MYO1E: variants seen among roughly 807,000 people sequenced by gnomAD.
The protein encoded by MYO1E is unconventional myosin-Ie.
Under a neutral mutation model 151.1 loss-of-function variants are expected in MYO1E, and 68 were observed. That is an observed-to-expected ratio of 0.45 (90% CI 0.37 to 0.55). MYO1E has a LOEUF of 0.55. Ranked by LOEUF, MYO1E falls within the 20% of genes least tolerant of loss-of-function variation. The probability of loss-of-function intolerance (pLI) is 0.00; values close to 1 mark genes in which losing one functional copy is unlikely to be tolerated. For synonymous variants in MYO1E, 601 were observed against 501.7 expected (o/e 1.20, Z -2.64); for missense variants, 1,363 against 1,389.3 (o/e 0.98, Z 0.30).
At chr15:59,191,270 A>C (rs1209886742) in intron 17 of MYO1E, among the ~76,000 whole-genome samples, 2 of 151,428 alleles carry the variant, frequency 1.3e-5, no homozygotes, top group African/African-American at 4.9e-5. Context: ...CCTGGCCAAC[A>C]CAGTGAAACC....
chr15:59,303,956 G>T (rs1284387987), intron 1 of MYO1E, among the ~76,000 whole-genome samples: 1 of 151,024 alleles, frequency 6.6e-6, no homozygotes, highest in Non-Finnish European at 1.5e-5. Flanking sequence ...TCAGGCAGGC[G>T]TCTCTATTTT....
intron 1 of MYO1E, among the ~76,000 whole-genome samples, chr15:59,371,189 A>G (rs2080942173): frequency 6.6e-6 from 1 of 152,196 alleles, no homozygotes; most frequent in Admixed American, 6.5e-5. Flanking sequence ...TTTGGAATAA[A>G]CAGCACGGGG....
At chr15:59,283,340 T>C (rs568229219) in intron 1 of MYO1E, among the ~76,000 whole-genome samples, 1 of 152,060 alleles carries the variant, frequency 6.6e-6, no homozygotes, top group East Asian at 1.9e-4. Context: ...ATTCCCACTG[T>C]CCCCCAGCTT....
intron 18 of MYO1E, among the ~76,000 whole-genome samples, chr15:59,184,294 A>G (rs1181040292): frequency 6.6e-6 from 1 of 152,152 alleles, no homozygotes; most frequent in African/African-American, 2.4e-5. Context: ...GGTGGGAGCC[A>G]CTGCGCCTGG....
chr15:59,319,304 C>T (rs565460502), intron 1 of MYO1E, among the ~76,000 whole-genome samples: 1 of 152,076 alleles, frequency 6.6e-6, no homozygotes, highest in South Asian at 2.1e-4. Context: ...GAGCAAGTCT[C>T]CATCTGAAAA....
At chr15:59,181,707 T>C (rs2079658988) in intron 18 of MYO1E, among the ~76,000 whole-genome samples, 2 of 152,248 alleles carry the variant, frequency 1.3e-5, no homozygotes, top group African/African-American at 4.8e-5. Context: ...GCAAACACTA[T>C]GCTCTGGGTA....
chr15:59,206,988 G>T, intron 14 of MYO1E: 3 of 1,614,142 alleles, frequency 1.9e-6, no homozygotes, highest in Non-Finnish European at 2.5e-6. Context: ...GAGTGAGCTC[G>T]GTGGGAGCGA....
At chr15:59,167,527 T>A (rs1357918105) in intron 22 of MYO1E, among the ~76,000 whole-genome samples, 2 of 152,132 alleles carry the variant, frequency 1.3e-5, no homozygotes, top group African/African-American at 4.8e-5. Context: ...GGAGGATCCT[T>A]CAAAAACCCA....
chr15:59,198,785 C>T (rs1305798739), intron 16 of MYO1E, among the ~76,000 whole-genome samples: 1 of 151,228 alleles, frequency 6.6e-6, no homozygotes, highest in Non-Finnish European at 1.5e-5. Flanking sequence ...CATCACTGCC[C>T]TTCAGCCTGG....
At chr15:59,208,237 T>C (rs1242692005) in intron 14 of MYO1E, 6 of 707,408 alleles carry the variant, frequency 8.5e-6, no homozygotes, top group Non-Finnish European at 1.4e-5. Flanking sequence ...CCAGCTCTTT[T>C]ATTGAGCATC....
chr15:59,372,277 G>A lies in MYO1E; in HGVS notation c.3+221C>T, dbSNP rs536974220. Among the ~76,000 whole-genome samples the A allele has an allele frequency of 3.3e-5, 5 of 152,284 alleles. No homozygotes were observed. The East Asian group carries it at 7.7e-4, about 24-fold the overall frequency. ...CGGCCACAGAAAGTTTCGCGACGCA[G>A]AAACCGACTTGGAATAAAGTTTTCC... On this transcript the variant is annotated intron_variant, in intron 1 of 27. Coordinates refer to ENST00000288235, the MANE Select transcript of MYO1E (RefSeq NM_004998.4).
Position 59,224,732 on chromosome 15 carries a change from T to C in MYO1E, c.734A>G (p.Lys245Arg). 6.2e-7 allele frequency: 1 copy of C among 1,614,222 alleles called. No homozygotes were observed. Among genetic ancestry groups the C allele is most frequent in the Non-Finnish European group, 8.5e-7 (1 of 1,180,038 alleles). Residue 245 changes from lysine to arginine, a missense_variant, in exon 8 of 28, where the codon AAG becomes AGG. Lys to Arg is a conservative substitution (Grantham distance 26). Coordinates refer to ENST00000288235, the MANE Select transcript of MYO1E (RefSeq NM_004998.4). ...CCGCCTGTCGTCAATGTCATCAACC[T>C]TGTATGAGCCCGAGAGGCTCAGGTA... ...YYYLSLSGSY[K>R]VDDIDDRREF...
intron 3 of MYO1E, among the ~76,000 whole-genome samples, chr15:59,257,140 G>A (rs1318499418): frequency 6.6e-6 from 1 of 152,138 alleles, no homozygotes; most frequent in African/African-American, 2.4e-5. Flanking sequence ...ACAATTTCTT[G>A]ACACCTACCT....
At chr15:59,266,957 A>T (rs191968611) in intron 2 of MYO1E, 1 of 150,190 alleles carries the variant, frequency 6.7e-6, no homozygotes, top group Admixed American at 6.6e-5. Flanking sequence ...CACCGTGCCC[A>T]GCCTCAAATG....
rs115303127 is a variant in MYO1E, at chr15:59,273,370, A to G, written c.4-921T>C. ...CTTAAAGTCCTATGAAGACACCTAGATAATGATGGAACAAAGTGACTCATG... is the reference window on the plus strand; with the variant it reads ...CTTAAAGTCCTATGAAGACACCTAGGTAATGATGGAACAAAGTGACTCATG... On this transcript the variant is annotated intron_variant, in intron 1 of 27. Transcript: ENST00000288235. 6.6e-3 allele frequency among the ~76,000 whole-genome samples: 645 copies of G among 97,170 alleles called. 2 individuals carry two copies. The highest frequency in any genetic ancestry group is 0.026 in the African/African-American group (606 of 22,916). 63.7% of individuals were successfully genotyped at this position (97,170 alleles called of 152,430 possible).
intron 15 of MYO1E, among the ~76,000 whole-genome samples, chr15:59,204,387 C>G (rs2079820009): frequency 6.6e-6 from 1 of 152,168 alleles, no homozygotes. Context: ...AGGAAATTAT[C>G]AGGCTCGCTG....
chr15:59,168,113 A>G (rs534010692), intron 22 of MYO1E, among the ~76,000 whole-genome samples: 1 of 152,330 alleles, frequency 6.6e-6, no homozygotes, highest in East Asian at 1.9e-4. Flanking sequence ...TTGTAAATGA[A>G]AACTTCAAAA....
chr15:59,279,715 G>A (rs905349060), intron 1 of MYO1E, among the ~76,000 whole-genome samples: 5 of 152,204 alleles, frequency 3.3e-5, no homozygotes, highest in Non-Finnish European at 4.4e-5. Flanking sequence ...GTGCATGGAA[G>A]GTGCACACCA....
chr15:59,138,250 G>T lies in MYO1E; in HGVS notation c.3198C>A (p.Asp1066Glu), dbSNP rs1171352366. ...TGGCATTAAAGCTGAGTTCGTCTGT[G>T]TCCTGAGCGTCATAGGCATACAAAG... ...CKALYAYDAQ[D>E]TDELSFNAND... Residue 1066 changes from aspartate (D) to glutamate (E), a missense_variant, in exon 27 of 28, where the codon GAC (aspartate) becomes GAA (glutamate). By Grantham distance (45) the Asp-to-Glu change is conservative (BLOSUM62 2). Transcript: ENST00000288235. 1 of 1,614,244 alleles carries T rather than the reference G, an allele frequency of 6.2e-7. No homozygotes were observed. Among genetic ancestry groups the T allele is most frequent in the African/African-American group, 1.3e-5 (1 of 75,052 alleles).
Sources: allele counts gnomAD v4.1 joint callset (sites outside exome capture counted in the v4.1 genomes callset), GRCh38; gene constraint gnomAD v4.1.1; transcripts MANE v1.5; gene names NCBI Gene and HGNC (gene_info 2026-07-23, HGNC 2026-07-21).